The following RORA variants were observed in gnomAD, a reference collection of about 807,000 sequenced individuals.
The protein encoded by RORA is RAR related orphan receptor A, also known as nuclear receptor ROR-alpha.
Under a neutral mutation model 69.5 loss-of-function variants are expected in RORA, and 7 were observed. That is an observed-to-expected ratio of 0.10 (90% CI 0.06 to 0.19). The LOEUF (loss-of-function observed/expected upper bound fraction) is 0.19. RORA is among the 10% of genes least tolerant of loss of function. The pLI is 1.00. For missense variants in RORA, 457 were observed against 663.0 expected (o/e 0.69, Z 3.41); for synonymous variants, 261 against 240.8 (o/e 1.08, Z -0.78).
At chr15:61,099,197 A>G (rs563221710) in intron 1 of RORA, among the ~76,000 whole-genome samples, 1 of 152,352 alleles carries the variant, frequency 6.6e-6, no homozygotes, top group African/African-American at 2.4e-5. Flanking sequence ...TACCCCAGTG[A>G]CTGTTCATAA....
chr15:60,925,741 C>T lies in RORA; in HGVS notation c.167-247055G>A, dbSNP rs375190029. Among the ~76,000 whole-genome samples the T allele has an allele frequency of 3.2e-4, 48 of 152,358 alleles. No homozygotes were observed. The East Asian group carries it at 7.3e-3, about 23-fold the overall frequency. On this transcript the variant is annotated intron_variant, in intron 1 of 10. Transcript: ENST00000335670. ...TGAGGGTGTGGAATCCAAGGACTAT[C>T]AGAATTCCTTCCTGCCCAGATGCCA...
At chr15:61,159,222 C>G (rs2079472829) in intron 1 of RORA, among the ~76,000 whole-genome samples, 1 of 152,082 alleles carries the variant, frequency 6.6e-6, no homozygotes, top group African/African-American at 2.4e-5. Context: ...ATTTATCAGC[C>G]TTTTTGAAGG....
intron 1 of RORA, among the ~76,000 whole-genome samples, chr15:60,730,105 G>T (rs1270685572): frequency 6.6e-6 from 1 of 152,118 alleles, no homozygotes; most frequent in Non-Finnish European, 1.5e-5. Flanking sequence ...GCAGACCTTG[G>T]TATCACTTTT....
In RORA at chr15:60,840,268, C is replaced by T. The variant is rs78138663; in HGVS notation, c.167-161582G>A. 3.7e-3 allele frequency among the ~76,000 whole-genome samples: 563 copies of T among 152,344 alleles called. 2 individuals are homozygous for T. The highest frequency in any genetic ancestry group is 0.013 in the African/African-American group (546 of 41,580). ...GCTCATCAGAGGGAAAGGAAGGATG[C>T]CTATTCCTCTGGTGCCTGGTCCTCT... On this transcript the variant is annotated intron_variant, in intron 1 of 10. Transcript: ENST00000335670.
intron 1 of RORA, among the ~76,000 whole-genome samples, chr15:61,068,694 C>G (rs1258654373): frequency 6.6e-6 from 1 of 152,168 alleles, no homozygotes; most frequent in Non-Finnish European, 1.5e-5. Flanking sequence ...TTGCTCACAT[C>G]AGGAGTCTCA....
chr15:60,680,281 T>G (rs929202924), intron 1 of RORA, among the ~76,000 whole-genome samples: 4 of 152,316 alleles, frequency 2.6e-5, no homozygotes, highest in Admixed American at 1.3e-4. Flanking sequence ...TCCTGATTAT[T>G]CAAAACCTCC....
At chr15:61,132,158 T>C (rs996177027) in intron 1 of RORA, among the ~76,000 whole-genome samples, 1 of 152,258 alleles carries the variant, frequency 6.6e-6, no homozygotes, top group East Asian at 1.9e-4. Context: ...GAAATGCATG[T>C]AATCTAGGGG....
chr15:60,949,183 G>T (rs960599608), intron 1 of RORA, among the ~76,000 whole-genome samples: 5 of 152,028 alleles, frequency 3.3e-5, no homozygotes, highest in Admixed American at 2.0e-4. Context: ...CTATGACATG[G>T]CCCCTTCCCC....
chr15:61,117,543 T>C (rs960182785), intron 1 of RORA, among the ~76,000 whole-genome samples: 1 of 152,248 alleles, frequency 6.6e-6, no homozygotes, highest in Non-Finnish European at 1.5e-5. Context: ...TTCTCATTTA[T>C]AGAAACTGTA....
chr15:61,157,901 A>C (rs1199020557), intron 1 of RORA, among the ~76,000 whole-genome samples: 2 of 152,168 alleles, frequency 1.3e-5, no homozygotes, highest in African/African-American at 4.8e-5. Context: ...AAATTCCATA[A>C]TATGCAAAGC....
intron 1 of RORA, among the ~76,000 whole-genome samples, chr15:60,736,495 T>A (rs181652519): frequency 2.3e-4 from 35 of 152,300 alleles, no homozygotes; most frequent in Admixed American, 6.5e-4. Flanking sequence ...TCCTCTCAGT[T>A]CATGAACTCT....
intron 1 of RORA, among the ~76,000 whole-genome samples, chr15:60,720,185 A>G (rs567734183): frequency 1.3e-5 from 2 of 152,270 alleles, no homozygotes; most frequent in South Asian, 4.2e-4. Flanking sequence ...TCTGTGACAT[A>G]GGATCAGCAT....
In RORA at chr15:61,119,439, C is replaced by A. The variant is rs12906513; in HGVS notation, c.166+109614G>T. Among the ~76,000 whole-genome samples the A allele has an allele frequency of 5.2e-3, 779 of 150,436 alleles. 4 individuals are homozygous for A. Among genetic ancestry groups the A allele is most frequent in the South Asian group, 0.011 (52 of 4,736 alleles). On this transcript the variant is annotated intron_variant, in intron 1 of 10. Coordinates refer to ENST00000335670, the MANE Select transcript of RORA (RefSeq NM_134261.3). ...CTATATATATATATATACACACACA[C>A]AAATATATATATACACACAAATATA...
chr15:61,077,414 A>G (rs1338890116), intron 1 of RORA, among the ~76,000 whole-genome samples: 4 of 152,190 alleles, frequency 2.6e-5, no homozygotes, highest in Non-Finnish European at 5.9e-5. Context: ...GTCCAGATAA[A>G]TGATTACATC....
intron 1 of RORA, among the ~76,000 whole-genome samples, chr15:61,161,003 T>C (rs1325384147): frequency 2.6e-5 from 4 of 152,100 alleles, no homozygotes; most frequent in Non-Finnish European, 5.9e-5. Context: ...AAAAGCCAAT[T>C]GTATTTCACT....
At chr15:61,188,543 G>A (rs1292588605) in intron 1 of RORA, among the ~76,000 whole-genome samples, 1 of 152,114 alleles carries the variant, frequency 6.6e-6, no homozygotes, top group Admixed American at 6.5e-5. Context: ...AGGCTAACCC[G>A]GATCTCTTGG....
chr15:60,943,594 T>A (rs1892768548), intron 1 of RORA, among the ~76,000 whole-genome samples: 1 of 152,010 alleles, frequency 6.6e-6, no homozygotes, highest in Non-Finnish European at 1.5e-5. Context: ...ATGACATCTT[T>A]AACCTCAGCC....
chr15:61,070,092 T>A (rs1355940790), intron 1 of RORA, among the ~76,000 whole-genome samples: 1 of 152,214 alleles, frequency 6.6e-6, no homozygotes, highest in African/African-American at 2.4e-5. Context: ...ATGTTATACG[T>A]TTTCTATTAA....
At chr15:60,631,043 C>T (rs911850712) in intron 2 of RORA, among the ~76,000 whole-genome samples, 2 of 152,058 alleles carry the variant, frequency 1.3e-5, no homozygotes, top group Admixed American at 6.5e-5. Context: ...GCACCCACCA[C>T]CACACCCAGC....
Sources: gnomAD v4.1 joint callset for allele counts (sites outside exome capture counted in the v4.1 genomes callset) on GRCh38, gnomAD v4.1.1 for gene constraint, MANE v1.5 for transcripts, NCBI Gene and HGNC (gene_info 2026-07-23, HGNC 2026-07-21) for gene names.